STAM: variants seen among roughly 807,000 people sequenced by gnomAD.
STAM encodes the protein signal transducing adapter molecule 1.
STAM carries 16 observed loss-of-function variants against 63.4 expected under a neutral mutation model. The ratio of observed to expected loss-of-function variants is 0.25; its 90% CI spans 0.17 to 0.38. The LOEUF (loss-of-function observed/expected upper bound fraction) is 0.38. STAM is among the 10% of genes least tolerant of loss of function. The pLI is 1.00. For missense variants in STAM, 636 were observed against 657.1 expected (o/e 0.97, Z 0.35); for synonymous variants, 238 against 223.9 (o/e 1.06, Z -0.56).
At chr10:17,694,885 G>T in intron 6 of STAM, 164 bp from the exon 7 acceptor site, 1 of 566,450 alleles carries the variant, frequency 1.8e-6, no homozygotes, top group Non-Finnish European at 2.9e-6. Context: ...GTGAATGAAT[G>T]AATAAACTGA....
intron 1 of STAM, among the ~76,000 whole-genome samples, chr10:17,653,170 C>A (rs1170381489): frequency 6.6e-6 from 1 of 152,102 alleles, no homozygotes; most frequent in African/African-American, 2.4e-5. Context: ...AGATTAAGTT[C>A]CACTGTGTGG....
intron 2 of STAM, among the ~76,000 whole-genome samples, chr10:17,681,282 TTA>T (rs1554825336): frequency 1.3e-5 from 2 of 151,558 alleles, no homozygotes. Context: ...TTTTCTTGGG[TTA>T]TGTTTTCCTT....
At chr10:17,683,333 A>G (rs1228487952) in intron 2 of STAM, among the ~76,000 whole-genome samples, 2 of 151,738 alleles carry the variant, frequency 1.3e-5, no homozygotes, top group African/African-American at 4.8e-5. Context: ...TAATTTTTGT[A>G]TTATTTTTTG....
At chr10:17,667,550 T>C (rs1418675521) in intron 2 of STAM, among the ~76,000 whole-genome samples, 2 of 152,268 alleles carry the variant, frequency 1.3e-5, no homozygotes, top group African/African-American at 4.8e-5. Flanking sequence ...TGTCAAATAC[T>C]GAATGCCAAA....
rs781932197 is a variant in STAM, at chr10:17,688,168, T to A, written c.439T>A (p.Ser147Thr). ...EQGVTFPAIGSQAAEQAKASP... is the reference protein window; with the variant it reads ...EQGVTFPAIGTQAAEQAKASP... Reference sequence around the variant, plus strand: ...AGGAGTTACGTTCCCAGCTATTGGCTCTCAGGTATTTTGGGAATGAAGTTG... The same window carrying A: ...AGGAGTTACGTTCCCAGCTATTGGCACTCAGGTATTTTGGGAATGAAGTTG... The change falls in exon 5 of 14, where the codon TCT becomes ACT. Residue 147 changes from serine (S) to threonine (T), a missense_variant. Coordinates refer to ENST00000377524, the MANE Select transcript of STAM (RefSeq NM_003473.4). 6.4e-7 allele frequency: 1 copy of A among 1,553,160 alleles called. No individual in the cohort carries two copies. The highest frequency in any genetic ancestry group is 8.7e-7 in the Non-Finnish European group (1 of 1,150,238).
chr10:17,709,364 C>G (rs1001182835), intron 13 of STAM, among the ~76,000 whole-genome samples: 1 of 152,074 alleles, frequency 6.6e-6, no homozygotes, highest in African/African-American at 2.4e-5. Context: ...CTCTTTAAGA[C>G]AAATATTTTC....
intron 2 of STAM, among the ~76,000 whole-genome samples, chr10:17,674,438 A>T (rs1480770964): frequency 1.3e-5 from 2 of 152,112 alleles, no homozygotes; most frequent in Non-Finnish European, 2.9e-5. Flanking sequence ...CTTCACTGGG[A>T]TGGATGCTTA....
chr10:17,702,188 G>A (rs1836027848), intron 9 of STAM, among the ~76,000 whole-genome samples: 1 of 151,934 alleles, frequency 6.6e-6, no homozygotes, highest in East Asian at 1.9e-4. Flanking sequence ...TTGACCCTTT[G>A]CATATTAATA....
intron 9 of STAM, among the ~76,000 whole-genome samples, chr10:17,703,586 C>T (rs1554828808): frequency 6.6e-6 from 1 of 151,544 alleles, no homozygotes; most frequent in African/African-American, 2.4e-5. Flanking sequence ...TTTTAAAAAA[C>T]ATAAATACAT....
At chr10:17,712,455 T>G (rs1836599628) in intron 13 of STAM, among the ~76,000 whole-genome samples, 1 of 152,206 alleles carries the variant, frequency 6.6e-6, no homozygotes. Context: ...GTCACCACAT[T>G]AGTTGGAGAA....
rs1554825889 is a variant in STAM, at chr10:17,684,904, G to C, written c.274G>C (p.Glu92Gln). 6.2e-7 allele frequency: 1 copy of C among 1,613,924 alleles called. No individual in the cohort carries two copies. Among genetic ancestry groups the C allele is most frequent in the Non-Finnish European group, 8.5e-7 (1 of 1,179,866 alleles). ...AGTATGTTCAAGAGATTTTGCTAGTGAAGTAAGCAACGTATTAAATAAGGT... is the reference window on the plus strand; with the variant it reads ...AGTATGTTCAAGAGATTTTGCTAGTCAAGTAAGCAACGTATTAAATAAGGT... ...LEVCSRDFAS[E>Q]VSNVLNKGHP... The change falls in exon 4 of 14, where the codon GAA (glutamate) becomes CAA (glutamine). Residue 92 changes from glutamate (E) to glutamine (Q), a missense_variant. This residue lies in a region of STAM where 17 missense variants were observed against 39.9 expected (regional missense o/e 0.43). Transcript: ENST00000377524.
rs555311413 is a variant in STAM at position 17,662,025 on chromosome 10, A to G, written c.125+1477A>G. Reference sequence around the variant, plus strand: ...CCTTTTCTCCATTTTTATTTGTCCTACTTTACTTTGGACGTTCCTTACCTT... The same window carrying G: ...CCTTTTCTCCATTTTTATTTGTCCTGCTTTACTTTGGACGTTCCTTACCTT... On this transcript the variant is annotated intron_variant, in intron 2 of 13. Transcript: ENST00000377524. Among the ~76,000 whole-genome samples the G allele has an allele frequency of 2.6e-5, 4 of 152,070 alleles. No individual in the cohort carries two copies. In the South Asian group the frequency reaches 8.3e-4, roughly 32 times the overall value.
rs149697183 is a variant in STAM at position 17,683,398 on chromosome 10, G to A, written c.126-1277G>A. The stretch of plus-strand genomic sequence containing the variant: ...GCTGGTCCCAAACTTCCGGACTCAA[G>A]CCATCTGCCCACCTCGGCCTCCCAA... On this transcript the variant is annotated intron_variant, in intron 2 of 13. Coordinates refer to ENST00000377524, the MANE Select transcript of STAM (RefSeq NM_003473.4). 3.3e-5 allele frequency among the ~76,000 whole-genome samples: 5 copies of A among 152,236 alleles called. No individual in the cohort carries two copies. The East Asian group carries it at 7.7e-4, about 23-fold the overall frequency.
In STAM at chr10:17,688,058, C is replaced by G. The variant is rs142836471; in HGVS notation, c.329C>G (p.Ala110Gly). The G allele has an allele frequency of 6.5e-5, 104 of 1,603,670 alleles. 1 individual carries two copies. The highest frequency in any genetic ancestry group is 8.6e-5 in the Non-Finnish European group (101 of 1,175,584). The stretch of plus-strand genomic sequence containing the variant: ...CCTAAAGTATGTGAAAAATTAAAGG[C>G]TCTTATGGTTGAATGGACAGATGAA... ...GHPKVCEKLK[A>G]LMVEWTDEFK... Residue 110 changes from alanine (A) to glycine (G), a missense_variant, in exon 5 of 14, where the codon GCT (alanine) becomes GGT (glycine). This residue lies in a region of STAM where 532 missense variants were observed against 536.9 expected (regional missense o/e 0.99). Transcript: ENST00000377524.
intron 1 of STAM, among the ~76,000 whole-genome samples, chr10:17,646,422 C>G (rs1385006299): frequency 6.6e-6 from 1 of 152,218 alleles, no homozygotes; most frequent in Non-Finnish European, 1.5e-5. Context: ...CTAATTTCCA[C>G]CTTCTTACAA....
intron 8 of STAM, among the ~76,000 whole-genome samples, chr10:17,698,160 T>C (rs1034883400): frequency 1.3e-5 from 2 of 152,180 alleles, no homozygotes; most frequent in Admixed American, 1.3e-4. Flanking sequence ...GTGTCTGGTG[T>C]CATTTTTATA....
intron 1 of STAM, among the ~76,000 whole-genome samples, chr10:17,658,140 C>T (rs996425192): frequency 1.4e-4 from 22 of 152,038 alleles, no homozygotes; most frequent in Middle Eastern, 3.2e-3. Context: ...TTGCATCCCA[C>T]AAATTTTGCG....
chr10:17,675,039 G>A (rs531155000), intron 2 of STAM, among the ~76,000 whole-genome samples: 7 of 152,272 alleles, frequency 4.6e-5, no homozygotes, highest in Admixed American at 2.0e-4. Flanking sequence ...GTTGAAAGAT[G>A]TACCCATTTG....
chr10:17,657,726 G>A (rs782617291), intron 1 of STAM, among the ~76,000 whole-genome samples: 4 of 152,048 alleles, frequency 2.6e-5, no homozygotes, highest in East Asian at 1.9e-4. Context: ...TTTCATCTAG[G>A]TTATCAATTT....
Sources: allele counts gnomAD v4.1 joint callset (sites outside exome capture counted in the v4.1 genomes callset), GRCh38; gene constraint gnomAD v4.1.1; regional missense constraint gnomAD v4.1.1; transcripts MANE v1.5; gene names NCBI Gene and HGNC (gene_info 2026-07-23, HGNC 2026-07-21).